The following ERBIN variants were observed in gnomAD, a reference collection of about 807,000 sequenced individuals.
ERBIN encodes the protein densin-180-like protein.
A neutral mutation model predicts 158.4 loss-of-function variants in ERBIN; 60 were observed. That is an observed-to-expected ratio of 0.38 (90% CI 0.31 to 0.47). The LOEUF (loss-of-function observed/expected upper bound fraction) is 0.47, where lower values mean the gene tolerates loss of function less well. ERBIN is among the 20% of genes least tolerant of loss of function. The probability of loss-of-function intolerance (pLI) is 0.99; values close to 1 mark genes in which losing one functional copy is unlikely to be tolerated. For synonymous variants in ERBIN, 594 were observed against 557.2 expected, an observed-to-expected ratio of 1.07 and a Z score of -0.93; for missense variants, 1,610 against 1,648.0, an observed-to-expected ratio of 0.98 and a Z score of 0.40.
intron 7 of ERBIN, among the ~76,000 whole-genome samples, chr5:66,016,682 C>T (rs541229395): frequency 2.7e-4 from 40 of 150,458 alleles, no homozygotes; most frequent in African/African-American, 9.6e-4. Context: ...GGCATGATCT[C>T]GGTTCACTGC....
Position 65,994,846 on chromosome 5 carries a change from C to G in ERBIN, c.289C>G (p.Leu97Val). The stretch of plus-strand genomic sequence containing the variant: ...TGCAAACCTTATTAATCTCAGGGAA[C>G]TGGATGTCAGCAAGAATGGTAAGGC... ...SIANLINLRELDVSKNGIQEF... is the reference protein window; with the variant it reads ...SIANLINLREVDVSKNGIQEF... Residue 97 changes from leucine (L) to valine (V), a missense_variant, in exon 4 of 26, where the codon CTG becomes GTG. Physicochemically the swap from Leu to Val is conservative, Grantham distance 32. Coordinates refer to ENST00000284037, the MANE Select transcript of ERBIN (RefSeq NM_001253697.2). 6.2e-7 allele frequency: 1 copy of G among 1,602,692 alleles called. No homozygotes were observed. The highest frequency in any genetic ancestry group is 8.5e-7 in the Non-Finnish European group (1 of 1,176,028).
intron 7 of ERBIN, among the ~76,000 whole-genome samples, chr5:66,019,240 C>A (rs1341936304): frequency 6.6e-6 from 1 of 152,004 alleles, no homozygotes; most frequent in Non-Finnish European, 1.5e-5. Context: ...ACCTCACAAA[C>A]AAGAGGATAT....
rs1762358068 is a variant in ERBIN at position 66,080,939 on chromosome 5, A to G, written c.*2409A>G. 1 of 152,086 alleles carries G rather than the reference A, an allele frequency of 6.6e-6. No individual in the cohort carries two copies. Among genetic ancestry groups the G allele is most frequent in the Non-Finnish European group, 1.5e-5 (1 of 67,906 alleles). 9.4% of individuals were successfully genotyped at this position (152,086 alleles called of 1,614,324 possible). ...TTTTCTTTGAAAGTATTGGAAAACT[A>G]AAATTAAATGACAAGGACTTTGAAT... On this transcript the variant is annotated 3_prime_UTR_variant, in exon 26 of 26. Transcript: ENST00000284037.
chr5:66,076,070 C>T, intron 23 of ERBIN: 1 of 449,240 alleles, frequency 2.2e-6, no homozygotes, highest in East Asian at 4.2e-5. Context: ...GATTCCTTAT[C>T]CTCATAAGAC....
At chr5:65,967,654 A>G (rs541338696) in intron 1 of ERBIN, among the ~76,000 whole-genome samples, 1 of 152,340 alleles carries the variant, frequency 6.6e-6, no homozygotes, top group African/African-American at 2.4e-5. Flanking sequence ...ATTTCTTAGA[A>G]CACATCCTGT....
In ERBIN at chr5:66,044,192, T is replaced by A; in HGVS notation, c.1484T>A (p.Val495Asp). 6.2e-7 allele frequency: 1 copy of A among 1,608,302 alleles called. No individual in the cohort carries two copies. Among genetic ancestry groups the A allele is most frequent in the Non-Finnish European group, 8.5e-7 (1 of 1,177,958 alleles). Residue 495 changes from valine (V) to aspartate (D), a missense_variant, in exon 17 of 26, where the codon GTC becomes GAC. Val to Asp is a radical substitution (Grantham distance 152). Around this residue, in one of 2 missense-constraint regions of ERBIN, gnomAD observed 596 missense variants for 711.9 expected, o/e 0.84. Transcript: ENST00000284037. ...TPYPDELKNM[V>D]KTVQTIVHRL... ...TACCCAGATGAGCTTAAGAATATGG[T>A]CAAAACTGTTCAAACCATTGTACAT...
chr5:66,002,656 G>T (rs576074275), intron 4 of ERBIN, among the ~76,000 whole-genome samples: 30 of 152,274 alleles, frequency 2.0e-4, no homozygotes, highest in Middle Eastern at 3.4e-3. Flanking sequence ...AGAGTGAATT[G>T]AAAGTTTGTG....
intron 1 of ERBIN, among the ~76,000 whole-genome samples, chr5:65,945,548 A>G (rs888952747): frequency 1.3e-5 from 2 of 152,176 alleles, no homozygotes; most frequent in Non-Finnish European, 2.9e-5. Flanking sequence ...TATTTCAAAC[A>G]CTGCACCCTT....
At chr5:66,033,358 A>G (rs1480231424) in intron 14 of ERBIN, among the ~76,000 whole-genome samples, 1 of 152,214 alleles carries the variant, frequency 6.6e-6, no homozygotes, top group Non-Finnish European at 1.5e-5. Context: ...TTAGTGATGC[A>G]TGATGAATCC....
At chr5:65,989,262 G>T (rs1027379648) in intron 2 of ERBIN, among the ~76,000 whole-genome samples, 2 of 152,032 alleles carry the variant, frequency 1.3e-5, no homozygotes, top group African/African-American at 4.8e-5. Context: ...CTTCTCTTTC[G>T]TATGTTACTT....
At chr5:65,937,509 A>G (rs1369108023) in intron 1 of ERBIN, among the ~76,000 whole-genome samples, 1 of 151,582 alleles carries the variant, frequency 6.6e-6, no homozygotes, top group Non-Finnish European at 1.5e-5. Context: ...TGCTATTTTG[A>G]CCTCTCTCCC....
rs545223881 is a variant in ERBIN at position 66,024,200 on chromosome 5, T to C, written c.673-106T>C. The C allele has an allele frequency of 4.0e-6, 3 of 748,748 alleles. No homozygotes were observed. In the East Asian group the frequency reaches 8.7e-5, roughly 22 times the overall value. 46.4% of individuals were successfully genotyped at this position (748,748 alleles called of 1,614,324 possible). On this transcript the variant is annotated intron_variant, in intron 9 of 25. Coordinates refer to ENST00000284037, the MANE Select transcript of ERBIN (RefSeq NM_001253697.2). ...CTACCTGGGAGTCTTCTTTCTTGTA[T>C]TAGCATTTAATTTTGAATTAAAACT...
intron 16 of ERBIN, 82 bp downstream of exon 16, chr5:66,043,280 G>A: frequency 5.1e-6 from 7 of 1,362,596 alleles, no homozygotes; most frequent in Non-Finnish European, 6.1e-6. Context: ...TGATGTCTGG[G>A]GATATAACAA....
chr5:66,078,495 G>A lies in ERBIN; in HGVS notation c.4204G>A (p.Val1402Ile). 1 of 1,606,228 alleles carries A rather than the reference G, an allele frequency of 6.2e-7. No individual in the cohort carries two copies. Among genetic ancestry groups the A allele is most frequent in the Non-Finnish European group, 8.5e-7 (1 of 1,177,634 alleles). ...VSLLKTFQNT[V>I]ELIIVREVSS ...CTTGCTAAAAACTTTCCAGAATACAGTTGAACTCATCATTGTACGAGAAGT... is the reference window on the plus strand; with the variant it reads ...CTTGCTAAAAACTTTCCAGAATACAATTGAACTCATCATTGTACGAGAAGT... Residue 1402 changes from valine (V) to isoleucine (I), a missense_variant, in exon 26 of 26, where the codon GTT becomes ATT. Transcript: ENST00000284037.
intron 1 of ERBIN, among the ~76,000 whole-genome samples, chr5:65,955,247 A>G (rs1020724521): frequency 6.6e-6 from 1 of 152,198 alleles, no homozygotes; most frequent in Non-Finnish European, 1.5e-5. Context: ...TTTTGTGTCT[A>G]CAAAGTATGT....
At chr5:66,051,573 A>G (rs2151230061) in intron 20 of ERBIN, among the ~76,000 whole-genome samples, 1 of 152,336 alleles carries the variant, frequency 6.6e-6, no homozygotes. Context: ...GTGTTACTCT[A>G]TCAGCTAAAC....
intron 21 of ERBIN, chr5:66,069,037 G>C (rs1761289795): frequency 6.7e-7 from 1 of 1,482,968 alleles, no homozygotes; most frequent in Non-Finnish European, 8.9e-7. Flanking sequence ...ACCTACACTA[G>C]ACCAATACTT....
At chr5:66,039,538 A>C (rs1000315280) in intron 15 of ERBIN, among the ~76,000 whole-genome samples, 6 of 152,024 alleles carry the variant, frequency 3.9e-5, no homozygotes, top group African/African-American at 1.4e-4. Flanking sequence ...AAACTTAGCT[A>C]TTGATGCATT....
intron 4 of ERBIN, among the ~76,000 whole-genome samples, chr5:65,996,754 C>T (rs1009371807): frequency 2.6e-5 from 4 of 152,014 alleles, no homozygotes; most frequent in Non-Finnish European, 4.4e-5. Flanking sequence ...TTTTGAAGTC[C>T]GTGAACACAG....
Sources: gnomAD v4.1 joint callset for allele counts (sites outside exome capture counted in the v4.1 genomes callset) on GRCh38, gnomAD v4.1.1 for gene constraint, gnomAD v4.1.1 regional missense constraint, MANE v1.5 for transcripts, NCBI Gene and HGNC (gene_info 2026-07-23, HGNC 2026-07-21) for gene names.